The following ANTXR2 variants were observed in gnomAD, a reference collection of about 807,000 sequenced individuals.
The protein encoded by ANTXR2 is ANTXR cell adhesion molecule 2.
A neutral mutation model predicts 73.7 loss-of-function variants in ANTXR2; 44 were observed. That is an observed-to-expected ratio of 0.60 (90% CI 0.47 to 0.77). The LOEUF (loss-of-function observed/expected upper bound fraction) is 0.77, where lower values mean the gene tolerates loss of function less well. Among genes scored for constraint, ANTXR2 ranks in the 30% least tolerant of loss-of-function variants. The probability of loss-of-function intolerance (pLI) is 0.00; values close to 1 mark genes in which losing one functional copy is unlikely to be tolerated. For missense variants in ANTXR2, 604 were observed against 592.5 expected, an observed-to-expected ratio of 1.02 and a Z score of -0.20; for synonymous variants, 217 against 205.9, an observed-to-expected ratio of 1.05 and a Z score of -0.46.
At chr4:80,014,685 G>A (rs2110063914) in intron 11 of ANTXR2, among the ~76,000 whole-genome samples, 1 of 152,306 alleles carries the variant, frequency 6.6e-6, no homozygotes, top group Non-Finnish European at 1.5e-5. Context: ...TTGGAGGACT[G>A]TCTTTCTCAA....
chr4:80,035,718 C>T (rs1367306891), intron 8 of ANTXR2, among the ~76,000 whole-genome samples: 1 of 151,910 alleles, frequency 6.6e-6, no homozygotes, highest in Non-Finnish European at 1.5e-5. Context: ...AGGTCTCAAG[C>T]GTGAACTAAA....
intron 11 of ANTXR2, among the ~76,000 whole-genome samples, chr4:80,015,950 AAGGAAAGGAAAGG>A (rs1731843102): frequency 8.1e-6 from 1 of 123,088 alleles, no homozygotes; most frequent in African/African-American, 3.6e-5. Context: ...AAGGAAAGGA[AAGGAAAGGAAAGG>A]AAAGGAAAGG....
chr4:80,036,086 T>C, intron 7 of ANTXR2, 54 bp from the exon 8 acceptor site: 1 of 1,361,462 alleles, frequency 7.3e-7, no homozygotes, highest in South Asian at 1.4e-5. Context: ...AATTACAATG[T>C]GAAGTAAATT....
At chr4:79,991,229 T>C (rs1484434400) in intron 12 of ANTXR2, among the ~76,000 whole-genome samples, 1 of 152,046 alleles carries the variant, frequency 6.6e-6, no homozygotes, top group East Asian at 1.9e-4. Flanking sequence ...ATCCAGAATC[T>C]GTAAGGAACT....
intron 3 of ANTXR2, among the ~76,000 whole-genome samples, chr4:80,063,970 C>T (rs999873870): frequency 1.8e-4 from 27 of 152,082 alleles, no homozygotes; most frequent in Non-Finnish European, 7.4e-5. Context: ...ACCTTCTAGA[C>T]TTTTATAGAT....
At chr4:79,974,912 A>T (rs1578122041) in intron 16 of ANTXR2, among the ~76,000 whole-genome samples, 1 of 152,242 alleles carries the variant, frequency 6.6e-6, no homozygotes, top group Non-Finnish European at 1.5e-5. Flanking sequence ...ATTTAAGAAG[A>T]ATGTTAAATT....
At chr4:80,013,472 G>A (rs1724076210) in intron 11 of ANTXR2, among the ~76,000 whole-genome samples, 1 of 152,182 alleles carries the variant, frequency 6.6e-6, no homozygotes, top group South Asian at 2.1e-4. Context: ...ATACAGAGGA[G>A]CTTCTTTATT....
chr4:80,009,316 T>C (rs1402345943), intron 11 of ANTXR2, among the ~76,000 whole-genome samples: 6 of 152,216 alleles, frequency 3.9e-5, no homozygotes, highest in Non-Finnish European at 8.8e-5. Context: ...ACAGGGCTCA[T>C]ATTAAGTCAC....
chr4:80,011,674 A>G (rs1731591857), intron 11 of ANTXR2, among the ~76,000 whole-genome samples: 1 of 152,196 alleles, frequency 6.6e-6, no homozygotes, highest in East Asian at 1.9e-4. Flanking sequence ...AGTTTGCAAC[A>G]TGGTATCTGA....
chr4:80,029,072 A>C (rs1001719765), intron 10 of ANTXR2, among the ~76,000 whole-genome samples: 1 of 152,144 alleles, frequency 6.6e-6, no homozygotes, highest in African/African-American at 2.4e-5. Context: ...AATCTAAATG[A>C]ATGATGATTT....
chr4:79,949,648 T>C (rs1234247734), intron 16 of ANTXR2, among the ~76,000 whole-genome samples: 1 of 152,184 alleles, frequency 6.6e-6, no homozygotes. Context: ...TGAGTTTAAA[T>C]GTCACAACTT....
Position 79,902,898 on chromosome 4 carries a change from C to G in ANTXR2, c.*4531G>C, listed in dbSNP as rs1289210831. On this transcript the variant is annotated 3_prime_UTR_variant, in exon 17 of 17. Coordinates refer to ENST00000403729, the MANE Select transcript of ANTXR2 (RefSeq NM_058172.6). The stretch of plus-strand genomic sequence containing the variant: ...TGGTGCAGTAGCTTGTGCCTGTAAT[C>G]ACAGCATTTGGGAGACTGAGGCAGG... 3 of 152,054 alleles carry G rather than the reference C, an allele frequency of 2.0e-5. No individual in the cohort carries two copies. The highest frequency in any genetic ancestry group is 7.2e-5 in the African/African-American group (3 of 41,396). 9.4% of individuals were successfully genotyped at this position (152,054 alleles called of 1,614,324 possible).
intron 7 of ANTXR2, among the ~76,000 whole-genome samples, chr4:80,042,474 T>G (rs559058554): frequency 7.2e-5 from 11 of 152,110 alleles, no homozygotes; most frequent in African/African-American, 2.6e-4. Flanking sequence ...ATTTTTCATA[T>G]GGAATGTTAG....
chr4:80,015,848 GAGGACAGGAAAGGAA>G (rs1731813197), intron 11 of ANTXR2, among the ~76,000 whole-genome samples: 1 of 124,900 alleles, frequency 8.0e-6, no homozygotes, highest in Non-Finnish European at 1.6e-5. Flanking sequence ...GAAGGAAGGA[GAGGACAGGAAAGGAA>G]AGGAAAGGAA....
At chr4:79,962,720 G>A (rs1000927797) in intron 16 of ANTXR2, among the ~76,000 whole-genome samples, 17 of 152,092 alleles carry the variant, frequency 1.1e-4, no homozygotes, top group African/African-American at 4.1e-4. Flanking sequence ...CTACAATAAA[G>A]GGTTATTTTT....
At chr4:80,012,235 A>G (rs1731619112) in intron 11 of ANTXR2, among the ~76,000 whole-genome samples, 1 of 152,152 alleles carries the variant, frequency 6.6e-6, no homozygotes, top group South Asian at 2.1e-4. Flanking sequence ...TAATTATTTC[A>G]TTTACTGGAT....
At chr4:80,031,537 G>C in intron 10 of ANTXR2, 86 bp downstream of exon 10, 1 of 1,069,644 alleles carries the variant, frequency 9.3e-7, no homozygotes, top group Non-Finnish European at 1.3e-6. Flanking sequence ...AAAAAAGATA[G>C]AATAAAATGA....
intron 11 of ANTXR2, among the ~76,000 whole-genome samples, chr4:80,009,664 T>C (rs1432525651): frequency 6.6e-6 from 1 of 151,754 alleles, no homozygotes; most frequent in Admixed American, 6.6e-5. Context: ...CTGGCCAACA[T>C]AGTGAAACCC....
chr4:79,929,466 T>C (rs1411881751), intron 16 of ANTXR2, among the ~76,000 whole-genome samples: 1 of 152,046 alleles, frequency 6.6e-6, no homozygotes, highest in Non-Finnish European at 1.5e-5. Context: ...GAGCCAAAAT[T>C]GCGCCACTGC....
Sources: allele counts gnomAD v4.1 joint callset (sites outside exome capture counted in the v4.1 genomes callset), GRCh38; gene constraint gnomAD v4.1.1; transcripts MANE v1.5; gene names NCBI Gene and HGNC (gene_info 2026-07-23, HGNC 2026-07-21).